ELP3: variants seen among roughly 807,000 people sequenced by gnomAD.
ELP3 encodes elongator complex protein 3.
In ELP3, 56 loss-of-function variants were observed where a neutral mutation model predicts 74.9. That is an observed-to-expected ratio of 0.75 (90% CI 0.60 to 0.93). The LOEUF (loss-of-function observed/expected upper bound fraction) is 0.93. ELP3 is among the 40% of genes least tolerant of loss of function. The pLI is 0.00. For missense variants in ELP3, 573 were observed against 686.5 expected, an observed-to-expected ratio of 0.83 and a Z score of 1.85; for synonymous variants, 222 against 239.8, an observed-to-expected ratio of 0.93 and a Z score of 0.68.
intron 14 of ELP3, among the ~76,000 whole-genome samples, chr8:28,163,548 T>C (rs1442968205): frequency 6.6e-6 from 1 of 150,720 alleles, no homozygotes; most frequent in Non-Finnish European, 1.5e-5. Flanking sequence ...TTCACATGTC[T>C]AGCTTTATTT....
intron 7 of ELP3, among the ~76,000 whole-genome samples, chr8:28,120,477 C>A (rs1252308443): frequency 6.6e-6 from 1 of 152,180 alleles, no homozygotes; most frequent in Non-Finnish European, 1.5e-5. Context: ...ATTTTGCAAA[C>A]ATGAAAACCC....
intron 14 of ELP3, among the ~76,000 whole-genome samples, chr8:28,179,061 G>GA (rs1222215301): frequency 1.4e-4 from 21 of 152,210 alleles, no homozygotes; most frequent in Non-Finnish European, 2.8e-4. Flanking sequence ...CACACAGATT[G>GA]AAAACAGTGT....
At chr8:28,169,573 G>A (rs1814439638) in intron 14 of ELP3, among the ~76,000 whole-genome samples, 1 of 152,200 alleles carries the variant, frequency 6.6e-6, no homozygotes, top group South Asian at 2.1e-4. Context: ...TTCTAAGAGG[G>A]AGGAGCAAAG....
At chr8:28,094,050 T>C (rs1370119745) in intron 1 of ELP3, among the ~76,000 whole-genome samples, 1 of 152,246 alleles carries the variant, frequency 6.6e-6, no homozygotes, top group Non-Finnish European at 1.5e-5. Context: ...CTATGCTTCT[T>C]GACATTAACT....
intron 14 of ELP3, among the ~76,000 whole-genome samples, chr8:28,177,873 T>C (rs543627665): frequency 6.6e-6 from 1 of 152,354 alleles, no homozygotes; most frequent in South Asian, 2.1e-4. Flanking sequence ...AGCAAATACT[T>C]GATCAATTAA....
At chr8:28,107,203 A>G (rs1811732825) in intron 4 of ELP3, among the ~76,000 whole-genome samples, 1 of 152,090 alleles carries the variant, frequency 6.6e-6, no homozygotes, top group Non-Finnish European at 1.5e-5. Context: ...AGCCGAGATC[A>G]CGCCACTGCA....
At chr8:28,101,494 G>A (rs1207952462) in intron 3 of ELP3, among the ~76,000 whole-genome samples, 1 of 151,908 alleles carries the variant, frequency 6.6e-6, no homozygotes, top group Non-Finnish European at 1.5e-5. Context: ...CTACCCTAGG[G>A]CAACCATTTT....
At chr8:28,173,891 G>A (rs1351839280) in intron 14 of ELP3, among the ~76,000 whole-genome samples, 1 of 151,842 alleles carries the variant, frequency 6.6e-6, no homozygotes, top group Non-Finnish European at 1.5e-5. Context: ...GTTAATTTCT[G>A]CATACTTATG....
chr8:28,096,913 G>A (rs1037698809), intron 1 of ELP3, among the ~76,000 whole-genome samples: 4 of 152,188 alleles, frequency 2.6e-5, no homozygotes, highest in African/African-American at 7.2e-5. Flanking sequence ...CCTTTCCTGT[G>A]TGATTAAGTT....
chr8:28,114,862 A>G (rs368520801), intron 7 of ELP3, among the ~76,000 whole-genome samples: 6 of 152,340 alleles, frequency 3.9e-5, no homozygotes, highest in East Asian at 3.9e-4. Flanking sequence ...GTTAACAGGT[A>G]GGGTCATTCC....
intron 1 of ELP3, among the ~76,000 whole-genome samples, chr8:28,093,906 G>A (rs1453034274): frequency 6.6e-6 from 1 of 152,206 alleles, no homozygotes; most frequent in Non-Finnish European, 1.5e-5. Flanking sequence ...CCATTTTACA[G>A]ATGAAGAAGC....
chr8:28,156,147 C>A, intron 11 of ELP3, 115 bp downstream of exon 11: 1 of 793,918 alleles, frequency 1.3e-6, no homozygotes, highest in Admixed American at 2.1e-5. Context: ...GGTCAGAAAG[C>A]TCCCAGATGT....
At chr8:28,185,655 G>A (rs1410213691) in intron 14 of ELP3, among the ~76,000 whole-genome samples, 1 of 152,174 alleles carries the variant, frequency 6.6e-6, no homozygotes, top group Non-Finnish European at 1.5e-5. Flanking sequence ...ATGAGTGGGA[G>A]GGTGGCTGGG....
intron 14 of ELP3, among the ~76,000 whole-genome samples, chr8:28,182,731 T>C (rs1231841512): frequency 6.6e-6 from 1 of 152,198 alleles, no homozygotes; most frequent in East Asian, 1.9e-4. Flanking sequence ...CTCCGGCATA[T>C]GCATTGCCTG....
intron 1 of ELP3, among the ~76,000 whole-genome samples, chr8:28,097,008 GC>G (rs1395941485): frequency 6.6e-6 from 1 of 152,118 alleles, no homozygotes; most frequent in Non-Finnish European, 1.5e-5. Context: ...TCTAAAGGGA[GC>G]TTTTCCCATA....
chr8:28,148,344 A>G (rs186326437), intron 10 of ELP3, among the ~76,000 whole-genome samples: 1 of 152,316 alleles, frequency 6.6e-6, no homozygotes, highest in African/African-American at 2.4e-5. Context: ...TAAAGGGGGA[A>G]ATGGTGACCA....
At chr8:28,132,664 A>G (rs533606999) in intron 9 of ELP3, among the ~76,000 whole-genome samples, 1 of 152,338 alleles carries the variant, frequency 6.6e-6, no homozygotes, top group East Asian at 1.9e-4. Context: ...CAAATATAAC[A>G]CAGACATACA....
intron 10 of ELP3, among the ~76,000 whole-genome samples, chr8:28,139,851 A>G (rs1259741268): frequency 6.6e-6 from 1 of 152,226 alleles, no homozygotes; most frequent in Non-Finnish European, 1.5e-5. Context: ...AGGCTGAGGC[A>G]GGAGAATCAC....
intron 10 of ELP3, among the ~76,000 whole-genome samples, chr8:28,150,491 T>C (rs1205711798): frequency 6.6e-6 from 1 of 152,140 alleles, no homozygotes; most frequent in African/African-American, 2.4e-5. Flanking sequence ...GAATTCTAGG[T>C]TGGTGGCGGG....
Sources: gnomAD v4.1 joint callset for allele counts (sites outside exome capture counted in the v4.1 genomes callset) on GRCh38, gnomAD v4.1.1 for gene constraint, MANE v1.5 for transcripts, NCBI Gene and HGNC (gene_info 2026-07-23, HGNC 2026-07-21) for gene names.